Variants in RALYL observed in about 807,000 individuals in gnomAD.
RALYL encodes the protein RALY RNA binding protein like, also known as RNA-binding Raly-like protein.
RALYL carries 29 observed loss-of-function variants against 35.1 expected under a neutral mutation model. The ratio of observed to expected loss-of-function variants is 0.83; its 90% confidence interval spans 0.61 to 1.13. The LOEUF is 1.13. Ranked by LOEUF, RALYL falls within the 50% of genes most tolerant of loss-of-function variation. RALYL has a pLI of 0.00. For synonymous variants in RALYL, 120 were observed against 127.6 expected (o/e 0.94, Z 0.40); for missense variants, 359 against 360.4 (o/e 1.00, Z 0.03).
chr8:84,265,795 C>G (rs1833184215), intron 1 of RALYL, among the ~76,000 whole-genome samples: 1 of 152,188 alleles, frequency 6.6e-6, no homozygotes, highest in South Asian at 2.1e-4. Context: ...TTTACCTAAT[C>G]GTTCCTGAAT....
chr8:84,269,812 C>T (rs1192309782), intron 1 of RALYL, among the ~76,000 whole-genome samples: 3 of 151,652 alleles, frequency 2.0e-5, no homozygotes, highest in East Asian at 3.9e-4. Flanking sequence ...GGAAAAAAAT[C>T]CAAATATATT....
chr8:84,877,566 C>T (rs994383079), intron 7 of RALYL, among the ~76,000 whole-genome samples: 6 of 152,056 alleles, frequency 3.9e-5, no homozygotes, highest in African/African-American at 1.4e-4. Flanking sequence ...TATTCTCACC[C>T]CTCCAAAACC....
At chr8:84,639,853 A>G (rs1297334946) in intron 2 of RALYL, among the ~76,000 whole-genome samples, 2 of 151,996 alleles carry the variant, frequency 1.3e-5, no homozygotes, top group African/African-American at 4.8e-5. Context: ...TAATCAATAT[A>G]ATAGGCAAAA....
chr8:84,293,330 T>C (rs879570694), intron 1 of RALYL, among the ~76,000 whole-genome samples: 2 of 152,170 alleles, frequency 1.3e-5, no homozygotes, highest in Non-Finnish European at 2.9e-5. Flanking sequence ...GTTGGTTGCC[T>C]AGATGTTCCC....
At chr8:84,588,080 T>A (rs1432652847) in intron 2 of RALYL, among the ~76,000 whole-genome samples, 1 of 152,120 alleles carries the variant, frequency 6.6e-6, no homozygotes, top group Non-Finnish European at 1.5e-5. Flanking sequence ...AACTTTGGGG[T>A]TTGCTTGAAG....
chr8:84,336,470 A>G (rs1024533450), intron 1 of RALYL, among the ~76,000 whole-genome samples: 1 of 152,090 alleles, frequency 6.6e-6, no homozygotes, highest in African/African-American at 2.4e-5. Flanking sequence ...ACTTTATTGG[A>G]AGGATAGCTA....
chr8:84,555,049 G>T (rs148709674), intron 2 of RALYL, among the ~76,000 whole-genome samples: 1 of 152,172 alleles, frequency 6.6e-6, no homozygotes, highest in Admixed American at 6.5e-5. Flanking sequence ...GGGAGGCTAA[G>T]GCGGGCAGAT....
intron 1 of RALYL, among the ~76,000 whole-genome samples, chr8:84,405,421 G>C (rs111712734): frequency 0.028 from 4,303 of 152,114 alleles, 197 homozygotes; most frequent in African/African-American, 0.098. Context: ...AATCCAGGAG[G>C]TGTTTTTTTG....
chr8:84,322,928 A>G (rs1311414401), intron 1 of RALYL, among the ~76,000 whole-genome samples: 1 of 152,108 alleles, frequency 6.6e-6, no homozygotes, highest in Non-Finnish European at 1.5e-5. Context: ...ATGTGAAAAG[A>G]CTATTGGTGA....
intron 1 of RALYL, among the ~76,000 whole-genome samples, chr8:84,282,666 T>C (rs1454722485): frequency 1.3e-5 from 2 of 149,040 alleles, no homozygotes; most frequent in African/African-American, 2.5e-5. Flanking sequence ...TGTTGATAAT[T>C]GAGGAGCAGA....
chr8:84,314,937 T>G (rs999611218), intron 1 of RALYL, among the ~76,000 whole-genome samples: 3 of 152,208 alleles, frequency 2.0e-5, no homozygotes, highest in Non-Finnish European at 2.9e-5. Flanking sequence ...ACATATCAGA[T>G]AACCTCAAAG....
chr8:84,718,625 C>T (rs980949274), intron 2 of RALYL, among the ~76,000 whole-genome samples: 1 of 151,664 alleles, frequency 6.6e-6, no homozygotes, highest in African/African-American at 2.4e-5. Context: ...ATTAGCTGGG[C>T]GTGGTGGTGC....
rs149128343 is a variant in RALYL, at chr8:84,671,250, C to T, written c.257-103329C>T. The stretch of plus-strand genomic sequence containing the variant: ...GGCCAGCTCTGTCTCTGTGGCTTTG[C>T]GGGATACAGCCCTCCCTGCTGGCTG... On this transcript the variant is annotated intron_variant, in intron 2 of 8. Transcript: ENST00000521268. 1.2e-3 allele frequency among the ~76,000 whole-genome samples: 186 copies of T among 152,222 alleles called. 4 individuals are homozygous for T. The East Asian group carries it at 0.032, about 26-fold the overall frequency.
At chr8:84,476,539 T>G (rs2053445044) in intron 1 of RALYL, among the ~76,000 whole-genome samples, 1 of 152,214 alleles carries the variant, frequency 6.6e-6, no homozygotes, top group Non-Finnish European at 1.5e-5. Flanking sequence ...TTTAATAATC[T>G]CTTAAAATGT....
At chr8:84,660,910 T>G (rs1484939630) in intron 2 of RALYL, among the ~76,000 whole-genome samples, 2 of 151,902 alleles carry the variant, frequency 1.3e-5, no homozygotes, top group African/African-American at 4.8e-5. Context: ...TACATTATTA[T>G]TTTTATTTGT....
chr8:84,774,609 AC>A lies in RALYL; in HGVS notation c.288del (p.Tyr96Ter). The A allele has an allele frequency of 6.2e-7, 1 of 1,609,080 alleles. No homozygotes were observed. Among genetic ancestry groups the A allele is most frequent in the African/African-American group, 1.3e-5 (1 of 74,976 alleles). ...AACATGGCAGGAGAGCCCAAACCAT[AC>A]AGACCAAAACCTGGAAACAAGAGGC... ...DINMAGEPKP[Y>X]RPKPGNKRPL... On this transcript the variant is annotated frameshift_variant, in exon 3 of 9. Transcript: ENST00000521268. LOFTEE classifies it high-confidence loss of function.
intron 2 of RALYL, among the ~76,000 whole-genome samples, chr8:84,570,792 T>C (rs1807772386): frequency 6.6e-6 from 1 of 151,932 alleles, no homozygotes; most frequent in Non-Finnish European, 1.5e-5. Flanking sequence ...TTTTGTATCA[T>C]GAAGCGATGT....
intron 2 of RALYL, among the ~76,000 whole-genome samples, chr8:84,579,168 G>A (rs1810241151): frequency 6.6e-6 from 1 of 152,178 alleles, no homozygotes; most frequent in Non-Finnish European, 1.5e-5. Flanking sequence ...CCCAAAGTTT[G>A]GAGGGGGCCA....
intron 2 of RALYL, among the ~76,000 whole-genome samples, chr8:84,549,261 G>C (rs2060560176): frequency 6.6e-6 from 1 of 152,196 alleles, no homozygotes; most frequent in Admixed American, 6.5e-5. Context: ...CCGAAATGAA[G>C]ATAACAGTCA....
Sources: allele counts gnomAD v4.1 joint callset (sites outside exome capture counted in the v4.1 genomes callset), GRCh38; gene constraint gnomAD v4.1.1; transcripts MANE v1.5; gene names NCBI Gene and HGNC (gene_info 2026-07-23, HGNC 2026-07-21).